CDH3: variants seen among roughly 807,000 people sequenced by gnomAD.
CDH3 encodes the protein cadherin-3.
Under a neutral mutation model 82.0 loss-of-function variants are expected in CDH3, and 54 were observed. That is an observed-to-expected ratio of 0.66 (90% CI 0.53 to 0.83). The LOEUF is 0.83. Among genes scored for constraint, CDH3 ranks in the 40% least tolerant of loss-of-function variants. The pLI is 0.00. For synonymous variants in CDH3, 446 were observed against 437.9 expected (o/e 1.02, Z -0.23); for missense variants, 1,054 against 1,084.6 (o/e 0.97, Z 0.40).
intron 9 of CDH3, among the ~76,000 whole-genome samples, chr16:68,682,966 A>G (rs920493915): frequency 6.6e-6 from 1 of 152,138 alleles, no homozygotes; most frequent in Non-Finnish European, 1.5e-5. Flanking sequence ...AAGTCTGAAT[A>G]AGGCTGGGCG....
At chr16:68,672,508 T>C (rs1960914369) in intron 2 of CDH3, among the ~76,000 whole-genome samples, 1 of 152,174 alleles carries the variant, frequency 6.6e-6, no homozygotes, top group South Asian at 2.1e-4. Context: ...GGCAAAGCAC[T>C]CATCTTCTGA....
Position 68,699,530 on chromosome 16 carries a change from C to T in CDH3, c.*1130C>T, listed in dbSNP as rs1961851509. The T allele has an allele frequency of 6.7e-6, 1 of 149,374 alleles. No homozygotes were observed. The highest frequency in any genetic ancestry group is 2.5e-5 in the African/African-American group (1 of 40,502). 9.3% of individuals were successfully genotyped at this position (149,374 alleles called of 1,614,324 possible). ...ACGGAGTCTCGTTCTGTCGCCCAGG[C>T]TGGAGTGCAGTGGTGTGATCTTGGC... On this transcript the variant is annotated 3_prime_UTR_variant, in exon 16 of 16. Coordinates refer to ENST00000264012, the MANE Select transcript of CDH3 (RefSeq NM_001793.6).
rs774381231 is a variant in CDH3, at chr16:68,695,997, G to C, written c.2280+74G>C. 2.2e-5 allele frequency: 33 copies of C among 1,522,498 alleles called. 2 individuals are homozygous for C. The Middle Eastern group carries it at 2.0e-3, about 93-fold the overall frequency. The allele number at this position is 1,522,498 out of a possible 1,614,324, so 94.3% of individuals were successfully genotyped here. A position where few individuals can be genotyped will look rare whatever the true frequency, so the allele number is the denominator to read the frequency against. On this transcript the variant is annotated intron_variant, in intron 15 of 15. Transcript: ENST00000264012. ...ACCAGCCACACAGGAGAACAAGCAT[G>C]GGCCTGGAGTCTTGGGTCTGGGTTC... is the stretch of plus-strand genomic sequence containing the variant.
chr16:68,681,817 G>A (rs1054698460), intron 8 of CDH3, among the ~76,000 whole-genome samples: 7 of 152,112 alleles, frequency 4.6e-5, no homozygotes, highest in Admixed American at 2.6e-4. Context: ...CAGCCTGAGC[G>A]GCAGACTGAG....
chr16:68,730,471 A>AG (rs1962271923), downstream of CDH3, among the ~76,000 whole-genome samples: 1 of 152,008 alleles, frequency 6.6e-6, no homozygotes, highest in Non-Finnish European at 1.5e-5. Context: ...AGTTGCGTTG[A>AG]GCCGAGATCA....
At chr16:68,671,188 G>A (rs1960875544) in intron 2 of CDH3, among the ~76,000 whole-genome samples, 1 of 148,932 alleles carries the variant, frequency 6.7e-6, no homozygotes, top group Non-Finnish European at 1.5e-5. Context: ...ACAGGGTCTA[G>A]CTATATTGGC....
intron 2 of CDH3, among the ~76,000 whole-genome samples, chr16:68,664,060 G>T (rs1424934943): frequency 6.7e-6 from 1 of 149,206 alleles, no homozygotes; most frequent in Non-Finnish European, 1.5e-5. Flanking sequence ...AGAGAGGTTA[G>T]CCAACTTGCC....
intron 2 of CDH3, among the ~76,000 whole-genome samples, chr16:68,654,712 AAATAT>A (rs1287976648): frequency 3.3e-5 from 3 of 91,034 alleles, no homozygotes; most frequent in African/African-American, 9.1e-5. Context: ...CAAAAAAAAA[AAATAT>A]ATATATATAT....
chr16:68,645,447 C>T (rs1232151624), intron 1 of CDH3, 23 bp downstream of exon 1: 1 of 1,611,478 alleles, frequency 6.2e-7, no homozygotes, highest in African/African-American at 1.3e-5. Flanking sequence ...CTCGCCGTGG[C>T]CCCGACCGGG....
At chr16:68,720,185 A>C (rs1424809479) in intron 1 of CDH3, among the ~76,000 whole-genome samples, 1 of 152,030 alleles carries the variant, frequency 6.6e-6, no homozygotes, top group Non-Finnish European at 1.5e-5. Context: ...AAACCAAAAC[A>C]AAAAACCTCA....
At chr16:68,679,190 T>C (rs1183591905) in intron 6 of CDH3, among the ~76,000 whole-genome samples, 8 of 152,242 alleles carry the variant, frequency 5.3e-5, no homozygotes, top group Admixed American at 2.6e-4. Context: ...AATCTTGGCT[T>C]TGCCCTCTTT....
intron 2 of CDH3, among the ~76,000 whole-genome samples, chr16:68,648,594 G>A (rs1960148342): frequency 6.6e-6 from 1 of 152,086 alleles, no homozygotes; most frequent in South Asian, 2.1e-4. Context: ...TGAGACCACA[G>A]ACATGTGCTA....
At position 68,678,553 on chromosome 16, in the gene CDH3, CG is replaced by C. The variant is rs1961103008; in HGVS notation, c.448del (p.Ala150GlnfsTer11). On this transcript the variant is annotated frameshift_variant, in exon 5 of 16. Coordinates refer to ENST00000264012, the MANE Select transcript of CDH3 (RefSeq NM_001793.6). LOFTEE classifies it high-confidence loss of function. ...AAGATTTTCTACAGCATCACGGGGCCGGGGGCAGACAGCCCCCCTGAGGGTG... is the reference window on the plus strand; with the variant it reads ...AAGATTTTCTACAGCATCACGGGGCCGGGGCAGACAGCCCCCCTGAGGGTG... ...DTKIFYSITG[P>X]GADSPPEGVF... The C allele has an allele frequency of 1.2e-6, 2 of 1,613,264 alleles. No individual in the cohort carries two copies. The highest frequency in any genetic ancestry group is 2.7e-5 in the African/African-American group (2 of 74,914).
At position 68,665,575 on chromosome 16, in the gene CDH3, G is replaced by A. The variant is rs75257339; in HGVS notation, c.161-10810G>A. 3.0e-4 allele frequency among the ~76,000 whole-genome samples: 46 copies of A among 152,246 alleles called. No homozygotes were observed. In the East Asian group the frequency reaches 8.7e-3, roughly 29 times the overall value. ...TAAACAGTTTAGAGATTAAGTGATT[G>A]ACGCAAGGCTGCAGAGCCAGTACAC... On this transcript the variant is annotated intron_variant, in intron 2 of 15. Coordinates refer to ENST00000264012, the MANE Select transcript of CDH3 (RefSeq NM_001793.6).
At chr16:68,685,081 A>C (rs1419118639) in intron 10 of CDH3, 124 bp from the exon 11 acceptor site, 4 of 1,250,820 alleles carry the variant, frequency 3.2e-6, no homozygotes, top group Non-Finnish European at 4.6e-6. Flanking sequence ...GGCGAGGTGC[A>C]TTTTCCATAT....
At chr16:68,648,087 A>G (rs994153635) in intron 2 of CDH3, among the ~76,000 whole-genome samples, 1 of 152,186 alleles carries the variant, frequency 6.6e-6, no homozygotes, top group African/African-American at 2.4e-5. Flanking sequence ...GGTGAGGTAA[A>G]TGTTAAACAA....
intron 12 of CDH3, among the ~76,000 whole-genome samples, chr16:68,689,688 T>A (rs1477015603): frequency 6.6e-6 from 1 of 152,204 alleles, no homozygotes; most frequent in Non-Finnish European, 1.5e-5. Flanking sequence ...GGTCGACTAG[T>A]TGTTCAGACT....
intron 1 of CDH3, among the ~76,000 whole-genome samples, chr16:68,716,125 G>A (rs1426246237): frequency 6.6e-6 from 1 of 151,862 alleles, no homozygotes; most frequent in Non-Finnish European, 1.5e-5. Flanking sequence ...AAAATTGGCT[G>A]GGTGTGGTGG....
intron 2 of CDH3, among the ~76,000 whole-genome samples, chr16:68,652,746 T>G (rs1254374872): frequency 6.6e-6 from 1 of 152,162 alleles, no homozygotes; most frequent in Non-Finnish European, 1.5e-5. Context: ...AGATAACCAC[T>G]CTTCTGACTT....
Sources: gnomAD v4.1 joint callset for allele counts (sites outside exome capture counted in the v4.1 genomes callset) on GRCh38, gnomAD v4.1.1 for gene constraint, MANE v1.5 for transcripts, NCBI Gene and HGNC (gene_info 2026-07-23, HGNC 2026-07-21) for gene names.